Variants in USH2A observed in about 807,000 individuals in gnomAD.
USH2A encodes Usher syndrome 2A (autosomal recessive, mild).
In USH2A, 443 loss-of-function variants were observed where a neutral mutation model predicts 538.9. The ratio of observed to expected loss-of-function variants is 0.82; its 90% CI spans 0.76 to 0.89. The LOEUF (loss-of-function observed/expected upper bound fraction) is 0.89, where lower values mean the gene tolerates loss of function less well. USH2A is among the 40% of genes least tolerant of loss of function. USH2A has a pLI of 0.00. For synonymous variants in USH2A, 2,413 were observed against 2,273.5 expected, an observed-to-expected ratio of 1.06 and a Z score of -1.75; for missense variants, 6,633 against 6,324.8, an observed-to-expected ratio of 1.05 and a Z score of -1.65.
At chr1:216,284,380 C>A (rs552859253) in intron 11 of USH2A, among the ~76,000 whole-genome samples, 1 of 152,128 alleles carries the variant, frequency 6.6e-6, no homozygotes, top group South Asian at 2.1e-4. Flanking sequence ...GGAACTTTCC[C>A]CCACCCTCAC....
chr1:216,403,485 C>T (rs1433331614), intron 3 of USH2A, among the ~76,000 whole-genome samples: 1 of 152,032 alleles, frequency 6.6e-6, no homozygotes, highest in Non-Finnish European at 1.5e-5. Context: ...AAAAAAACTG[C>T]TCCAAATTCA....
chr1:215,780,023 G>A lies in USH2A; in HGVS notation c.10759C>T (p.Gln3587Ter), dbSNP rs111033418. 5 of 1,614,084 alleles carry A rather than the reference G, an allele frequency of 3.1e-6. No homozygotes were observed. Among genetic ancestry groups the A allele is most frequent in the Non-Finnish European group, 4.2e-6 (5 of 1,180,018 alleles). ...TSSKVVAATT[Q>*]GVPESILPPS... ...GGCAGGATGCTCTCCGGAACTCCTTGGGTAGTAGCTGCAACTACCTGAAGA... is the reference window on the plus strand; with the variant it reads ...GGCAGGATGCTCTCCGGAACTCCTTAGGTAGTAGCTGCAACTACCTGAAGA... Residue 3587 changes from glutamine to a stop codon, truncating the protein, a stop_gained, in exon 55 of 72, where the codon CAA becomes TAA. Transcript: ENST00000307340. LOFTEE classifies it high-confidence loss of function.
intron 3 of USH2A, among the ~76,000 whole-genome samples, chr1:216,377,455 G>A (rs1205898849): frequency 3.3e-5 from 5 of 152,114 alleles, no homozygotes; most frequent in African/African-American, 1.2e-4. Context: ...AATATTCAGT[G>A]AACAGTTTCC....
chr1:215,866,500 T>G lies in USH2A; in HGVS notation c.8845+507A>C, dbSNP rs114024937. On this transcript the variant is annotated intron_variant, in intron 44 of 71. Transcript: ENST00000307340. ...GCTGGAATTCTGCCCATAGCCAGTC[T>G]GAAGATGATCCACTGGGAAGAATCT... Among the ~76,000 whole-genome samples, 2,518 of 152,324 alleles carry G rather than the reference T, an allele frequency of 0.017. 88 individuals are homozygous for G. The highest frequency in any genetic ancestry group is 0.058 in the African/African-American group (2,430 of 41,568).
intron 44 of USH2A, among the ~76,000 whole-genome samples, chr1:215,863,526 G>A (rs1003332700): frequency 6.6e-6 from 1 of 152,156 alleles, no homozygotes; most frequent in Non-Finnish European, 1.5e-5. Flanking sequence ...TTTTTCTGTG[G>A]TTTTAAACTT....
At chr1:215,866,641 C>T (rs1664477218) in intron 44 of USH2A, among the ~76,000 whole-genome samples, 1 of 152,170 alleles carries the variant, frequency 6.6e-6, no homozygotes, top group African/African-American at 2.4e-5. Flanking sequence ...CCAATTAATA[C>T]ATGGACATGT....
At chr1:216,257,104 T>C (rs1302041889) in intron 11 of USH2A, among the ~76,000 whole-genome samples, 4 of 152,052 alleles carry the variant, frequency 2.6e-5, no homozygotes, top group African/African-American at 7.2e-5. Flanking sequence ...TATTTACCAA[T>C]GCAGTTGCCA....
At chr1:215,939,701 G>C (rs1484052440) in intron 37 of USH2A, among the ~76,000 whole-genome samples, 1 of 152,020 alleles carries the variant, frequency 6.6e-6, no homozygotes, top group Non-Finnish European at 1.5e-5. Flanking sequence ...TAACATAAAT[G>C]GGTATCCTTT....
chr1:216,357,092 C>T (rs1440598248), intron 4 of USH2A, among the ~76,000 whole-genome samples: 1 of 152,086 alleles, frequency 6.6e-6, no homozygotes, highest in East Asian at 1.9e-4. Flanking sequence ...CACTTGCCTT[C>T]ATTTTCCTCT....
intron 4 of USH2A, among the ~76,000 whole-genome samples, chr1:216,353,279 T>C (rs2038320877): frequency 6.6e-6 from 1 of 152,080 alleles, no homozygotes; most frequent in Admixed American, 6.6e-5. Context: ...AATATGATTA[T>C]GTATCTGACA....
rs1372150381 is a variant in USH2A, at chr1:215,634,584, A to G, written c.15172T>C (p.Phe5058Leu). 4.3e-6 allele frequency: 7 copies of G among 1,614,100 alleles called. No homozygotes were observed. The African/African-American group carries it at 6.7e-5, about 15-fold the overall frequency. The change falls in exon 70 of 72, where the codon TTT (phenylalanine) becomes CTT (leucine). Residue 5058 changes from phenylalanine (F) to leucine (L), a missense_variant. By Grantham distance (22) the Phe-to-Leu change is conservative. Transcript: ENST00000307340. ...TTTCTTTGTAGTATCAGGGACAGAA[A>G]AATGGCCAACAAGATCAAGCCCAGC... ...AMLGLILLAIFLSLILQRKIH... is the reference protein window; with the variant it reads ...AMLGLILLAILLSLILQRKIH...
chr1:216,084,638 T>G (rs2032063748), intron 25 of USH2A, 60 bp downstream of exon 25: 2 of 1,580,180 alleles, frequency 1.3e-6, no homozygotes, highest in South Asian at 2.2e-5. Context: ...AGAGATTAAA[T>G]TATACAAAGG....
intron 29 of USH2A, chr1:216,072,407 T>G: frequency 4.7e-6 from 1 of 210,752 alleles, no homozygotes; most frequent in Non-Finnish European, 9.6e-6. Context: ...AAGATTCTAA[T>G]AGTCAACAAC....
intron 16 of USH2A, among the ~76,000 whole-genome samples, chr1:216,202,907 C>T (rs1041937404): frequency 6.6e-6 from 1 of 152,118 alleles, no homozygotes; most frequent in South Asian, 2.1e-4. Flanking sequence ...GCTTCCTTAA[C>T]ACCCCAAGTT....
intron 14 of USH2A, among the ~76,000 whole-genome samples, chr1:216,223,751 T>G (rs2102506765): frequency 6.6e-6 from 1 of 152,248 alleles, no homozygotes; most frequent in African/African-American, 2.4e-5. Context: ...CACTCCCTAA[T>G]TTTTCCATTA....
At chr1:215,745,552 C>G (rs1390537151) in intron 58 of USH2A, among the ~76,000 whole-genome samples, 2 of 152,142 alleles carry the variant, frequency 1.3e-5, no homozygotes, top group Non-Finnish European at 2.9e-5. Context: ...GACTTTAGCA[C>G]AAAGTAGCAG....
intron 47 of USH2A, among the ~76,000 whole-genome samples, chr1:215,825,846 G>A (rs566385525): frequency 6.6e-6 from 1 of 152,296 alleles, no homozygotes; most frequent in South Asian, 2.1e-4. Flanking sequence ...CTACTGAGAT[G>A]TTTATTATAA....
At chr1:216,249,084 A>G (rs903216804) in intron 12 of USH2A, among the ~76,000 whole-genome samples, 4 of 151,734 alleles carry the variant, frequency 2.6e-5, no homozygotes, top group Non-Finnish European at 5.9e-5. Flanking sequence ...TTTTTTTTTC[A>G]TATTAACAAG....
At chr1:215,661,341 G>T (rs1030136632) in intron 64 of USH2A, among the ~76,000 whole-genome samples, 20 of 152,070 alleles carry the variant, frequency 1.3e-4, no homozygotes, top group Admixed American at 5.2e-4. Context: ...CAGGTTCTTT[G>T]TTTCTCCTGC....
Sources: allele counts gnomAD v4.1 joint callset (sites outside exome capture counted in the v4.1 genomes callset), GRCh38; gene constraint gnomAD v4.1.1; transcripts MANE v1.5; gene names NCBI Gene and HGNC (gene_info 2026-07-23, HGNC 2026-07-21).